MVB12A: variants seen among roughly 807,000 people sequenced by gnomAD.
MVB12A encodes CIN85/CD2AP family binding protein.
Under a neutral mutation model 34.3 loss-of-function variants are expected in MVB12A, and 30 were observed. That is an observed-to-expected ratio of 0.88 (90% confidence interval 0.65 to 1.19). MVB12A has a LOEUF of 1.19. Ranked by LOEUF, MVB12A falls within the 50% of genes most tolerant of loss-of-function variation. The pLI, the probability that MVB12A is intolerant of heterozygous loss-of-function variation, is 0.00. For synonymous variants in MVB12A, 158 were observed against 158.9 expected, an observed-to-expected ratio of 0.99 and a Z score of 0.04; for missense variants, 355 against 369.2, an observed-to-expected ratio of 0.96 and a Z score of 0.31.
At chr19:17,412,202 C>T (rs1018573674) in intron 2 of MVB12A, among the ~76,000 whole-genome samples, 9 of 152,192 alleles carry the variant, frequency 5.9e-5, no homozygotes, top group Non-Finnish European at 8.8e-5. Context: ...GCTCAAATTC[C>T]ATCATGGCGA....
intron 4 of MVB12A, 47 bp from the exon 5 acceptor site, chr19:17,423,451 G>A (rs760796108): frequency 6.3e-7 from 1 of 1,597,512 alleles, no homozygotes; most frequent in Non-Finnish European, 8.5e-7. Flanking sequence ...CCTCAACCCT[G>A]GCCCCACACC....
chr19:17,424,919 C>T lies in MVB12A; in HGVS notation c.760-12C>T, dbSNP rs943000551. ...CTGGCACCTGTTCACTCTCTCTCTC[C>T]CCATCCCCCAGTATAACTACGGCTT... On this transcript the variant is annotated splice_polypyrimidine_tract_variant and intron_variant, in intron 8 of 8. Coordinates refer to ENST00000317040, the MANE Select transcript of MVB12A (RefSeq NM_138401.4). The T allele has an allele frequency of 5.6e-6, 9 of 1,597,998 alleles. No homozygotes were observed. Among genetic ancestry groups the T allele is most frequent in the Non-Finnish European group, 6.0e-6 (7 of 1,170,692 alleles).
At position 17,406,017 on chromosome 19, in the gene MVB12A, A is replaced by AGGGCCTGAGTCTGGGGGCG. The variant is rs1555734052; in HGVS notation, c.-224-53_-224-52insAGTCTGGGGGCGGGGCCTG. The AGGGCCTGAGTCTGGGGGCG allele has an allele frequency of 9.5e-4, 143 of 151,232 alleles. 4 individuals carry two copies. In the South Asian group the frequency reaches 0.027, roughly 29 times the overall value. The allele number at this position is 151,232 out of a possible 1,614,324, so 9.4% of individuals were successfully genotyped here. On this transcript the variant is annotated intron_variant, in intron 1 of 6. Transcript: ENST00000528604. ...CACAGTTGCGTGGTGGAGTGAGGGC[A>AGGGCCTGAGTCTGGGGGCG]GGGCCTGGGTCTGGGGGCGGGGCCT...
At chr19:17,406,365 T>C (rs2278233) in intron 2 of MVB12A, 35,712 of 152,104 alleles carry the variant, frequency 0.23, 5,120 homozygotes, top group African/African-American at 0.4. Context: ...ACACTGTCCA[T>C]GTGGCCAAGA....
At chr19:17,420,991 G>A (rs916249261) in intron 3 of MVB12A, 17 of 493,838 alleles carry the variant, frequency 3.4e-5, no homozygotes, top group Non-Finnish European at 5.2e-5. Flanking sequence ...TCTGCCTGGG[G>A]CACTTTTTCT....
At chr19:17,421,196 T>G in intron 3 of MVB12A, 1 of 395,988 alleles carries the variant, frequency 2.5e-6, no homozygotes, top group Non-Finnish European at 5.0e-6. Context: ...TTTTTTTTTT[T>G]TTCTTCAGAC....
chr19:17,408,469 G>A (rs901319342), intron 2 of MVB12A, among the ~76,000 whole-genome samples: 4 of 149,602 alleles, frequency 2.7e-5, no homozygotes, highest in African/African-American at 4.9e-5. Flanking sequence ...TTTTTGAGAT[G>A]GAGTCTCGCT....
intron 3 of MVB12A, chr19:17,421,982 C>T (rs2074841289): frequency 5.9e-6 from 1 of 170,696 alleles, no homozygotes; most frequent in Admixed American, 6.3e-5. Flanking sequence ...CCAGATTTGG[C>T]TCATGGGTGC....
rs747878669 is a variant in MVB12A at position 17,423,563 on chromosome 19, G to A, written c.479G>A (p.Arg160Gln). The A allele has an allele frequency of 2.4e-5, 38 of 1,613,964 alleles. No homozygotes were observed. The highest frequency in any genetic ancestry group is 4.5e-5 in the East Asian group (2 of 44,886). Residue 160 changes from arginine (R) to glutamine (Q), a missense_variant, in exon 5 of 9, where the codon CGA becomes CAA. Coordinates refer to ENST00000317040, the MANE Select transcript of MVB12A (RefSeq NM_138401.4). ...AKAPRPVPKP[R>Q]GLSRDMQGLS... ...GCCCCGAGGCCAGTGCCCAAGCCCC[G>A]AGGTCTCAGCCGGGACATGCAGGGC...
chr19:17,409,492 AG>A (rs2074750612), intron 2 of MVB12A, among the ~76,000 whole-genome samples: 1 of 113,584 alleles, frequency 8.8e-6, no homozygotes, highest in Non-Finnish European at 1.7e-5. Context: ...CTTGTTACCC[AG>A]GGTGGAGTGC....
upstream of MVB12A, among the ~76,000 whole-genome samples, chr19:17,418,510 A>G (rs1197296430): frequency 1.3e-5 from 2 of 151,288 alleles, no homozygotes; most frequent in South Asian, 2.1e-4. Flanking sequence ...CTCCTGCCTC[A>G]GCCCCCTTAG....
At chr19:17,412,210 C>T (rs950405258) in intron 2 of MVB12A, among the ~76,000 whole-genome samples, 6 of 152,154 alleles carry the variant, frequency 3.9e-5, no homozygotes, top group African/African-American at 7.2e-5. Context: ...TCCATCATGG[C>T]GAACCAGCTC....
In MVB12A at chr19:17,420,068, C is replaced by G; in HGVS notation, c.-68C>G. 1.0e-6 allele frequency: 1 copy of G among 965,276 alleles called. No homozygotes were observed. The highest frequency in any genetic ancestry group is 1.3e-6 in the Non-Finnish European group (1 of 762,662). The allele number at this position is 965,276 out of a possible 1,614,324, so 59.8% of individuals were successfully genotyped here. A position where few individuals can be genotyped will look rare whatever the true frequency, so the allele number is the denominator to read the frequency against. ...AGTTGTAGTTCGGTCGCGAGCGCTG[C>G]CGTCGGGAGGCGCTCCGAGGTTCGA... On this transcript the variant is annotated 5_prime_UTR_variant, in exon 1 of 9. Transcript: ENST00000317040.
intron 3 of MVB12A, 156 bp from the exon 4 acceptor site, chr19:17,422,176 C>T (rs1157205648): frequency 3.4e-6 from 2 of 582,178 alleles, no homozygotes; most frequent in South Asian, 2.6e-5. Context: ...TCATCTATAC[C>T]ATTCATGATT....
chr19:17,406,421 A>G (rs775355892), intron 2 of MVB12A: 6 of 152,104 alleles, frequency 3.9e-5, no homozygotes, highest in Admixed American at 6.6e-5. Flanking sequence ...TCGGCACCCA[A>G]CTGCTGGGCA....
rs1032922940 is a variant in MVB12A, at chr19:17,424,915, T to C, written c.760-16T>C. 6.3e-7 allele frequency: 1 copy of C among 1,593,086 alleles called. No individual in the cohort carries two copies. The highest frequency in any genetic ancestry group is 1.1e-5 in the South Asian group (1 of 88,686). On this transcript the variant is annotated splice_polypyrimidine_tract_variant and intron_variant, in intron 8 of 8. Coordinates refer to ENST00000317040, the MANE Select transcript of MVB12A (RefSeq NM_138401.4). Reference sequence around the variant, plus strand: ...TACTCTGGCACCTGTTCACTCTCTCTCTCCCCATCCCCCAGTATAACTACG... The same window carrying C: ...TACTCTGGCACCTGTTCACTCTCTCCCTCCCCATCCCCCAGTATAACTACG...
chr19:17,410,563 T>G (rs1383006883), intron 2 of MVB12A, among the ~76,000 whole-genome samples: 1 of 120,892 alleles, frequency 8.3e-6, no homozygotes, highest in East Asian at 2.3e-4. Flanking sequence ...CACACATATA[T>G]ATACATATAT....
chr19:17,413,470 G>A (rs887559661), intron 2 of MVB12A: 1 of 152,474 alleles, frequency 6.6e-6, no homozygotes, highest in South Asian at 2.1e-4. Flanking sequence ...TGGGATTACA[G>A]GCACCTGCCA....
rs186911497 is a variant in MVB12A at position 17,421,225 on chromosome 19, C to G, written c.286+591C>G. 11 of 356,954 alleles carry G rather than the reference C, an allele frequency of 3.1e-5. No individual in the cohort carries two copies. In the East Asian group the frequency reaches 6.9e-4, roughly 23 times the overall value. 22.1% of individuals were successfully genotyped at this position (356,954 alleles called of 1,614,324 possible). On this transcript the variant is annotated intron_variant, in intron 3 of 8. Coordinates refer to ENST00000317040, the MANE Select transcript of MVB12A (RefSeq NM_138401.4). ...TTCAGACGGAGTTTCGCTCTTGTTG[C>G]CCAGGCTGGAGTGCAATGGCGCGAT...
Sources: allele counts gnomAD v4.1 joint callset (sites outside exome capture counted in the v4.1 genomes callset), GRCh38; gene constraint gnomAD v4.1.1; transcripts MANE v1.5; gene names NCBI Gene and HGNC (gene_info 2026-07-23, HGNC 2026-07-21).